CADM1: variants seen among roughly 807,000 people sequenced by gnomAD.
CADM1 encodes TSLC-1.
Under a neutral mutation model 53.1 loss-of-function variants are expected in CADM1, and 15 were observed. That is an observed-to-expected ratio of 0.28 (90% CI 0.19 to 0.44). The LOEUF (loss-of-function observed/expected upper bound fraction) is 0.44. Ranked by LOEUF, CADM1 falls within the 20% of genes least tolerant of loss-of-function variation. The pLI is 1.00. For synonymous variants in CADM1, 281 were observed against 243.0 expected (o/e 1.16, Z -1.45); for missense variants, 434 against 611.3 (o/e 0.71, Z 3.06).
intron 2 of CADM1, among the ~76,000 whole-genome samples, chr11:115,239,741 C>G (rs75778962): frequency 6.8e-6 from 1 of 148,010 alleles, no homozygotes; most frequent in Non-Finnish European, 1.5e-5. Context: ...AGATTTGATT[C>G]TTGCTCTTAC....
At chr11:115,365,261 T>C (rs1591750201) in intron 1 of CADM1, among the ~76,000 whole-genome samples, 1 of 152,168 alleles carries the variant, frequency 6.6e-6, no homozygotes, top group Non-Finnish European at 1.5e-5. Context: ...AAGTGATTCA[T>C]TGTTTCTATC....
rs73576195 is a variant in CADM1 at position 115,327,383 on chromosome 11, C to T, written c.125-86963G>A. 9.1e-3 allele frequency among the ~76,000 whole-genome samples: 1,384 copies of T among 152,270 alleles called. 21 individuals are homozygous for T. The highest frequency in any genetic ancestry group is 0.03 in the African/African-American group (1,238 of 41,554). Reference sequence around the variant, plus strand: ...ACTTGCGGGATGCTGCTCACTCTATCGGGTCCAGGAGCCTAATACCTGTTT... The same window carrying T: ...ACTTGCGGGATGCTGCTCACTCTATTGGGTCCAGGAGCCTAATACCTGTTT... On this transcript the variant is annotated intron_variant, in intron 1 of 11. Coordinates refer to ENST00000331581, the MANE Select transcript of CADM1 (RefSeq NM_001301043.2).
intron 1 of CADM1, among the ~76,000 whole-genome samples, chr11:115,348,837 G>T (rs1358312682): frequency 2.0e-5 from 3 of 152,134 alleles, no homozygotes; most frequent in Non-Finnish European, 4.4e-5. Context: ...ATATATGACA[G>T]GAGGGTCATC....
At chr11:115,353,892 T>C (rs529673056) in intron 1 of CADM1, among the ~76,000 whole-genome samples, 1 of 152,204 alleles carries the variant, frequency 6.6e-6, no homozygotes, top group Admixed American at 6.5e-5. Flanking sequence ...TTTGTAAGGA[T>C]TGTTAGGTAT....
intron 1 of CADM1, among the ~76,000 whole-genome samples, chr11:115,436,341 T>G (rs1948182312): frequency 6.6e-6 from 1 of 152,214 alleles, no homozygotes; most frequent in Non-Finnish European, 1.5e-5. Flanking sequence ...AAAGTGTTCC[T>G]GAAAACACAA....
chr11:115,483,556 A>T (rs754633799), intron 1 of CADM1, among the ~76,000 whole-genome samples: 2 of 152,232 alleles, frequency 1.3e-5, no homozygotes, highest in Non-Finnish European at 2.9e-5. Context: ...ATGAAAAGCA[A>T]GAGGAGAGTC....
intron 3 of CADM1, among the ~76,000 whole-genome samples, chr11:115,237,192 A>G (rs1202838709): frequency 6.6e-6 from 1 of 152,178 alleles, no homozygotes; most frequent in Non-Finnish European, 1.5e-5. Flanking sequence ...AATTTGGTAC[A>G]TCTGCAAAAT....
At chr11:115,393,651 T>C (rs748074791) in intron 1 of CADM1, among the ~76,000 whole-genome samples, 3 of 151,742 alleles carry the variant, frequency 2.0e-5, no homozygotes, top group Non-Finnish European at 4.4e-5. Flanking sequence ...AATAACCTTA[T>C]AGGGTCCATT....
chr11:115,352,185 A>G (rs914482659), intron 1 of CADM1, among the ~76,000 whole-genome samples: 4 of 152,362 alleles, frequency 2.6e-5, no homozygotes, highest in African/African-American at 4.8e-5. Flanking sequence ...AATCTACTAA[A>G]GGGAATTCAG....
intron 1 of CADM1, among the ~76,000 whole-genome samples, chr11:115,497,764 C>G (rs1478589152): frequency 6.6e-6 from 1 of 152,146 alleles, no homozygotes; most frequent in Non-Finnish European, 1.5e-5. Context: ...CTCCCCAAAT[C>G]GTGAATGTAG....
intron 1 of CADM1, among the ~76,000 whole-genome samples, chr11:115,430,016 C>T (rs1948003115): frequency 6.7e-6 from 1 of 149,608 alleles, no homozygotes; most frequent in Admixed American, 6.8e-5. Context: ...CCACATTCTA[C>T]AATCCTATAG....
intron 1 of CADM1, among the ~76,000 whole-genome samples, chr11:115,270,578 T>C (rs1943269628): frequency 6.6e-6 from 1 of 151,888 alleles, no homozygotes; most frequent in Non-Finnish European, 1.5e-5. Flanking sequence ...AGCCCATCAC[T>C]GACTGGATAG....
chr11:115,244,347 A>G (rs1942339232), intron 1 of CADM1, among the ~76,000 whole-genome samples: 1 of 152,174 alleles, frequency 6.6e-6, no homozygotes, highest in African/African-American at 2.4e-5. Context: ...TTTGTTATAA[A>G]CTCCATTTCA....
At chr11:115,459,621 T>A (rs1314598307) in intron 1 of CADM1, among the ~76,000 whole-genome samples, 1 of 152,190 alleles carries the variant, frequency 6.6e-6, no homozygotes, top group Admixed American at 6.5e-5. Flanking sequence ...CAGTCCAGTC[T>A]AATGGTGGCA....
At chr11:115,416,958 A>C (rs891085588) in intron 1 of CADM1, among the ~76,000 whole-genome samples, 11 of 152,216 alleles carry the variant, frequency 7.2e-5, no homozygotes, top group Non-Finnish European at 1.6e-4. Context: ...CAGTAAAAGC[A>C]TTTTCAGTAA....
At chr11:115,406,539 A>G (rs1316674896) in intron 1 of CADM1, among the ~76,000 whole-genome samples, 1 of 148,200 alleles carries the variant, frequency 6.7e-6, no homozygotes, top group Non-Finnish European at 1.5e-5. Context: ...CATTATAATT[A>G]TATAATGTAA....
In CADM1 at chr11:115,486,179, CA is replaced by C. The variant is rs759887819; in HGVS notation, c.124+18091del. 5.3e-5 allele frequency among the ~76,000 whole-genome samples: 8 copies of C among 152,260 alleles called. No individual in the cohort carries two copies. In the East Asian group the frequency reaches 1.5e-3, roughly 29 times the overall value. ...TTGCTTGAACTATTATACTCCTAAC[CA>C]ATCTCTCCATTTCTAATGGAAGATC... On this transcript the variant is annotated intron_variant, in intron 1 of 11. Transcript: ENST00000331581.
Position 115,347,581 on chromosome 11 carries a change from C to T in CADM1, c.125-107161G>A, listed in dbSNP as rs190124799. On this transcript the variant is annotated intron_variant, in intron 1 of 11. Coordinates refer to ENST00000331581, the MANE Select transcript of CADM1 (RefSeq NM_001301043.2). ...CTTTAAAGGCTAATAGTTCAAATTC[C>T]CTTTTTGACATGCAAGAAGATAAGA... Among the ~76,000 whole-genome samples the T allele has an allele frequency of 4.1e-4, 63 of 152,166 alleles. 1 individual carries two copies. In the Middle Eastern group the frequency reaches 0.027, roughly 66 times the overall value.
chr11:115,235,031 T>C (rs1941963754), intron 3 of CADM1, among the ~76,000 whole-genome samples: 1 of 152,032 alleles, frequency 6.6e-6, no homozygotes, highest in African/African-American at 2.4e-5. Context: ...CTCAAGATTG[T>C]GACCAGTATT....
Sources: gnomAD v4.1 joint callset for allele counts (sites outside exome capture counted in the v4.1 genomes callset) on GRCh38, gnomAD v4.1.1 for gene constraint, MANE v1.5 for transcripts, NCBI Gene and HGNC (gene_info 2026-07-23, HGNC 2026-07-21) for gene names.